The following LAMB3 variants were observed in gnomAD, a reference collection of about 807,000 sequenced individuals.
LAMB3 encodes the protein laminin subunit beta 3, also known as laminin subunit beta-3.
LAMB3 carries 104 observed loss-of-function variants against 140.3 expected under a neutral mutation model. The observed-to-expected ratio is 0.74, with a 90% CI of 0.63 to 0.87. LAMB3 has a LOEUF of 0.87. LAMB3 is among the 40% of genes least tolerant of loss of function. The pLI, the probability that LAMB3 is intolerant of heterozygous loss-of-function variation, is 0.00. For synonymous variants in LAMB3, 592 were observed against 602.9 expected, an observed-to-expected ratio of 0.98 and a Z score of 0.26; for missense variants, 1,531 against 1,575.2, an observed-to-expected ratio of 0.97 and a Z score of 0.47.
At position 209,625,497 on chromosome 1, in the gene LAMB3, C is replaced by T. The variant is rs926975258; in HGVS notation, c.1976+151G>A. On this transcript the variant is annotated intron_variant, in intron 14 of 22. Transcript: ENST00000356082. ...CATCTGCAAAACCACACCAGCCTCACAGGACTGTTGTAATGGTTGAAAGAG... is the reference window on the plus strand; with the variant it reads ...CATCTGCAAAACCACACCAGCCTCATAGGACTGTTGTAATGGTTGAAAGAG... 3 of 1,052,516 alleles carry T rather than the reference C, an allele frequency of 2.9e-6. No individual in the cohort carries two copies. The East Asian group carries it at 7.1e-5, about 25-fold the overall frequency. 65.2% of individuals were successfully genotyped at this position (1,052,516 alleles called of 1,614,324 possible).
intron 14 of LAMB3, among the ~76,000 whole-genome samples, chr1:209,624,880 GAGGAAGGA>G (rs397962425): frequency 0.11 from 10,719 of 100,756 alleles, 558 homozygotes; most frequent in Non-Finnish European, 0.12. Context: ...GAAAGAGAGA[GAGGAAGGA>G]AGGAAGGAAG....
chr1:209,625,604 TG>T (rs1316800932), intron 14 of LAMB3, 43 bp downstream of exon 14: 7 of 1,613,182 alleles, frequency 4.3e-6, no homozygotes, highest in Non-Finnish European at 5.9e-6. Flanking sequence ...CTGGAACCCC[TG>T]GAGCATAATT....
rs1558150761 is a variant in LAMB3 at position 209,623,042 on chromosome 1, CG to C, written c.2495del (p.Ala832GlyfsTer21). 1 of 1,614,014 alleles carries C rather than the reference CG, an allele frequency of 6.2e-7. No individual in the cohort carries two copies. Among genetic ancestry groups the C allele is most frequent in the Non-Finnish European group, 8.5e-7 (1 of 1,180,014 alleles). On this transcript the variant is annotated frameshift_variant, in exon 17 of 23. Coordinates refer to ENST00000356082, the MANE Select transcript of LAMB3 (RefSeq NM_000228.3). LOFTEE classifies it high-confidence loss of function. The surrounding 1 kb of genome is among the most constrained non-coding windows in gnomAD (Gnocchi z 4.2). ...CCCGCAGCTGCTCAGCCACCTGCCC[CG>C]CCATCAAGAAGGCCCCACCGGCCCT... Reference protein sequence around the residue: ...LPRAGGAFLMAGQVAEQLRGF... With the variant: ...LPRAGGAFLMXGQVAEQLRGF...
At chr1:209,627,955 A>G in intron 11 of LAMB3, 80 bp downstream of exon 11, 1 of 1,505,066 alleles carries the variant, frequency 6.6e-7, no homozygotes, top group Non-Finnish European at 9.0e-7. Flanking sequence ...TGAAGAGAGC[A>G]CAGTGAGCAG....
chr1:209,624,056 A>G, intron 14 of LAMB3, 56 bp from the exon 15 acceptor site: 2 of 1,521,192 alleles, frequency 1.3e-6, no homozygotes, highest in Non-Finnish European at 9.0e-7. Context: ...GCCTCCCCAA[A>G]GCAGCTATCC....
In LAMB3 at chr1:209,623,267, A is replaced by G; in HGVS notation, c.2359-88T>C. The G allele has an allele frequency of 1.5e-6, 2 of 1,335,716 alleles. No individual in the cohort carries two copies. Among genetic ancestry groups the G allele is most frequent in the Non-Finnish European group, 1.1e-6 (1 of 941,086 alleles). The allele number at this position is 1,335,716 out of a possible 1,614,324, so 82.7% of individuals were successfully genotyped here. A position where few individuals can be genotyped will look rare whatever the true frequency, so the allele number is the denominator to read the frequency against. ...ACACCTGGGAAACCAACAGCCAGAC[A>G]TCTCCATGACAACCAAGCACCAGAA... On this transcript the variant is annotated intron_variant, in intron 16 of 22. Transcript: ENST00000356082. The surrounding 1 kb of genome is among the most constrained non-coding windows in gnomAD (Gnocchi z 4.2).
intron 14 of LAMB3, 117 bp from the exon 15 acceptor site, chr1:209,624,117 G>C: frequency 1.2e-6 from 1 of 854,172 alleles, no homozygotes; most frequent in Non-Finnish European, 1.8e-6. Flanking sequence ...TTGGGCAAAG[G>C]CAACAGAACA....
At chr1:209,617,804 C>T in intron 20 of LAMB3, 103 bp downstream of exon 20, 1 of 1,473,380 alleles carries the variant, frequency 6.8e-7, no homozygotes, top group Non-Finnish European at 9.5e-7. Flanking sequence ...TCTAGAACTC[C>T]ACCTCAGGTT....
chr1:209,633,451 T>C lies in LAMB3; in HGVS notation c.565-318A>G, dbSNP rs1666768747. 2.0e-5 allele frequency among the ~76,000 whole-genome samples: 3 copies of C among 152,258 alleles called. No homozygotes were observed. The South Asian group carries it at 6.2e-4, about 32-fold the overall frequency. ...CTACATATAAGGGTTTAGGAGATAC[T>C]AATTTTCTGATGACTCAGGATGAGT... is the stretch of plus-strand genomic sequence containing the variant. On this transcript the variant is annotated intron_variant, in intron 6 of 22. Coordinates refer to ENST00000356082, the MANE Select transcript of LAMB3 (RefSeq NM_000228.3).
At chr1:209,618,155 G>T in intron 19 of LAMB3, 107 bp from the exon 20 acceptor site, 2 of 1,411,402 alleles carry the variant, frequency 1.4e-6, no homozygotes, top group Non-Finnish European at 2.0e-6. Flanking sequence ...TCCCAGCCAA[G>T]GCAAAGAGCA....
chr1:209,629,993 A>G (rs995645799), intron 9 of LAMB3, 68 bp from the exon 10 acceptor site: 1 of 1,474,702 alleles, frequency 6.8e-7, no homozygotes, highest in Admixed American at 1.7e-5. Flanking sequence ...CATGCTCCAC[A>G]AAAGCTCACT....
chr1:209,644,278 C>T (rs1243702305), intron 3 of LAMB3, among the ~76,000 whole-genome samples: 1 of 152,194 alleles, frequency 6.6e-6, no homozygotes, highest in Non-Finnish European at 1.5e-5. Flanking sequence ...TGACCAAAGC[C>T]TTAACTCAGT....
chr1:209,616,765 T>C, intron 21 of LAMB3, 141 bp from the exon 22 acceptor site: 2 of 801,948 alleles, frequency 2.5e-6, no homozygotes, highest in Non-Finnish European at 4.2e-6. Context: ...TGGTTTTGCC[T>C]ATTGAAACCC....
intron 8 of LAMB3, among the ~76,000 whole-genome samples, 192 bp downstream of exon 8, chr1:209,632,391 G>C (rs893280012): frequency 5.3e-5 from 8 of 152,220 alleles, no homozygotes; most frequent in African/African-American, 1.9e-4. Flanking sequence ...TTAGGAAGCA[G>C]ATCTAAAGAA....
In LAMB3 at chr1:209,617,424, ATGCC is replaced by A. The variant is rs1558146886; in HGVS notation, c.3210_3213del (p.Gln1070HisfsTer2). On this transcript the variant is annotated frameshift_variant, in exon 21 of 23. Transcript: ENST00000356082. LOFTEE classifies it high-confidence loss of function. ...CTTCTCTGTACCTCTTGGGCACTCA[ATGCC>A]TGCTCGCTGGCACCTTCCGCAAGCT... The A allele has an allele frequency of 6.2e-7, 1 of 1,612,642 alleles. No homozygotes were observed. Among genetic ancestry groups the A allele is most frequent in the South Asian group, 1.1e-5 (1 of 91,018 alleles).
Position 209,650,031 on chromosome 1 carries a change from C to T in LAMB3, c.116G>A (p.Arg39Gln), listed in dbSNP as rs146125956. 220 of 1,614,032 alleles carry T rather than the reference C, an allele frequency of 1.4e-4. No homozygotes were observed. The highest frequency in any genetic ancestry group is 4.0e-4 in the Admixed American group (24 of 60,006). Residue 39 changes from arginine to glutamine, a missense_variant, in exon 3 of 23, where the codon CGG becomes CAG. By Grantham distance (43) the Arg-to-Gln change is conservative. Coordinates refer to ENST00000356082, the MANE Select transcript of LAMB3 (RefSeq NM_000228.3). ...PVGDLLVGRT[R>Q]FLRASSTCGL... Reference sequence around the variant, plus strand: ...ACAGGTAGATGAAGCTCGGAGAAACCGGGTCCTCCCAACAAGCAGGTCCCC... The same window carrying T: ...ACAGGTAGATGAAGCTCGGAGAAACTGGGTCCTCCCAACAAGCAGGTCCCC...
At chr1:209,632,499 C>T in intron 8 of LAMB3, 84 bp downstream of exon 8, 2 of 1,096,842 alleles carry the variant, frequency 1.8e-6, no homozygotes, top group Admixed American at 2.2e-5. Flanking sequence ...TAGTGCCCTT[C>T]CTGCTTTACA....
intron 17 of LAMB3, 77 bp downstream of exon 17, chr1:209,622,905 G>T: frequency 6.5e-7 from 1 of 1,531,606 alleles, no homozygotes; most frequent in Non-Finnish European, 9.0e-7. Context: ...GTGTAAAATG[G>T]GAACTCTGAC....
intron 14 of LAMB3, among the ~76,000 whole-genome samples, chr1:209,624,925 AGGAAGGAAGG>A (rs1666368024): frequency 6.6e-6 from 1 of 150,820 alleles, no homozygotes; most frequent in Admixed American, 6.6e-5. Flanking sequence ...GAAGGAAGGA[AGGAAGGAAGG>A]AAAAAAAGGG....
Sources: allele counts gnomAD v4.1 joint callset (sites outside exome capture counted in the v4.1 genomes callset), GRCh38; gene constraint gnomAD v4.1.1; non-coding constraint Gnocchi (gnomAD v3.1); transcripts MANE v1.5; gene names NCBI Gene and HGNC (gene_info 2026-07-23, HGNC 2026-07-21).